Variants in UMODL1 observed in about 807,000 individuals in gnomAD.
UMODL1 encodes uromodulin like 1, also known as uromodulin-like 1.
In UMODL1, 128 loss-of-function variants were observed where a neutral mutation model predicts 136.3. The ratio of observed to expected loss-of-function variants is 0.94; its 90% CI spans 0.81 to 1.09. The LOEUF is 1.09. UMODL1 is among the 50% of genes least tolerant of loss of function. The probability of loss-of-function intolerance (pLI) is 0.00; values close to 1 mark genes in which losing one functional copy is unlikely to be tolerated. For synonymous variants in UMODL1, 721 were observed against 720.0 expected, an observed-to-expected ratio of 1.00 and a Z score of -0.02; for missense variants, 1,766 against 1,725.6, an observed-to-expected ratio of 1.02 and a Z score of -0.41.
chr21:42,137,310 G>A (rs551765937), intron 21 of UMODL1, 129 bp from the exon 22 acceptor site: 20 of 1,162,414 alleles, frequency 1.7e-5, no homozygotes, highest in Admixed American at 5.6e-5. Context: ...ACAGGCACAC[G>A]GGTGCACACG....
rs1275186492 is a variant in UMODL1 at position 42,122,398 on chromosome 21, G to GACTCAGGGC, written c.2828-432_2828-424dup. Among the ~76,000 whole-genome samples the GACTCAGGGC allele has an allele frequency of 6.6e-6, 1 of 152,194 alleles. No individual in the cohort carries two copies. Among genetic ancestry groups the GACTCAGGGC allele is most frequent in the African/African-American group, 2.4e-5 (1 of 41,450 alleles). ...CATCATTACCCCATCTTAGAGAATA[G>GACTCAGGGC]ACTCAGGGCTCTCAGGGCAGAAGAC... On this transcript the variant is annotated intron_variant, in intron 16 of 22. Coordinates refer to ENST00000408910, the MANE Select transcript of UMODL1 (RefSeq NM_001004416.3). The surrounding 1 kb of genome is among the most constrained non-coding windows in gnomAD (Gnocchi z 4.3).
Position 42,110,977 on chromosome 21 carries a change from C to T in UMODL1, c.1755C>T (p.Asn585=). The change falls in exon 11 of 23, where the codon AAC becomes AAT. Residue 585 remains asparagine (N), a synonymous_variant. Coordinates refer to ENST00000408910, the MANE Select transcript of UMODL1 (RefSeq NM_001004416.3). ...GAACAGCAGCCCTCGGCCTAGAGAA[C>T]TTCACCTTGTCACCCAGTCCTGGGT... The part of the protein sequence containing the change: ...GTGTAALGLE[N]FTLSPSPGYP... The T allele has an allele frequency of 6.2e-7, 1 of 1,613,108 alleles. No individual in the cohort carries two copies. Among genetic ancestry groups the T allele is most frequent in the Non-Finnish European group, 8.5e-7 (1 of 1,179,774 alleles).
chr21:42,079,983 G>A (rs2066342077), intron 2 of UMODL1, among the ~76,000 whole-genome samples: 1 of 152,208 alleles, frequency 6.6e-6, no homozygotes, highest in African/African-American at 2.4e-5. Context: ...CTGGTGAAGG[G>A]CACAGCCCAC....
intron 2 of UMODL1, among the ~76,000 whole-genome samples, chr21:42,082,235 C>T (rs1346644997): frequency 2.6e-5 from 4 of 152,164 alleles, no homozygotes; most frequent in Admixed American, 6.5e-5. Context: ...AAGCCAGGGC[C>T]GCCACCTCTT....
chr21:42,130,589 A>G (rs1255667924), intron 21 of UMODL1, among the ~76,000 whole-genome samples: 1 of 134,420 alleles, frequency 7.4e-6, no homozygotes, highest in Non-Finnish European at 1.6e-5. Flanking sequence ...TGTAATTCCA[A>G]CCTCCTGGCA....
In UMODL1 at chr21:42,127,821, C is replaced by A; in HGVS notation, c.3680C>A (p.Thr1227Lys). 6.2e-7 allele frequency: 1 copy of A among 1,610,986 alleles called. No homozygotes were observed. The highest frequency in any genetic ancestry group is 8.5e-7 in the Non-Finnish European group (1 of 1,179,170). ...LRVCMESPGA[T>K]CKINCNNFRL... ...GTCTGCATGGAATCCCCCGGAGCCACGTGCAAAATCGTAAGTGTTTTTTGG... is the reference window on the plus strand; with the variant it reads ...GTCTGCATGGAATCCCCCGGAGCCAAGTGCAAAATCGTAAGTGTTTTTTGG... The change falls in exon 20 of 23, where the codon ACG becomes AAG. Residue 1227 changes from threonine to lysine, a missense_variant. Physicochemically the swap from Thr to Lys is moderately conservative, Grantham distance 78. Coordinates refer to ENST00000408910, the MANE Select transcript of UMODL1 (RefSeq NM_001004416.3).
At chr21:42,104,594 C>T (rs1056598252) in intron 9 of UMODL1, among the ~76,000 whole-genome samples, 3 of 152,046 alleles carry the variant, frequency 2.0e-5, no homozygotes, top group Non-Finnish European at 2.9e-5. Context: ...GGATTATAGG[C>T]GCCTGCCACC....
chr21:42,085,466 C>G lies in UMODL1; in HGVS notation c.603+54C>G, dbSNP rs2066415511. ...ACCCTCCTTGTGGCAGCTGCTCAGG[C>G]AGACCCAGGTATGGGGCCGTGGAAG... On this transcript the variant is annotated intron_variant, in intron 4 of 22. Coordinates refer to ENST00000408910, the MANE Select transcript of UMODL1 (RefSeq NM_001004416.3). This position sits in a 1 kb window ranked among gnomAD's most constrained non-coding sequence, Gnocchi z 4.5. 6.2e-7 allele frequency: 1 copy of G among 1,611,564 alleles called. No individual in the cohort carries two copies. The highest frequency in any genetic ancestry group is 8.5e-7 in the Non-Finnish European group (1 of 1,179,370).
rs1268760868 is a variant in UMODL1 at position 42,118,619 on chromosome 21, G to A, written c.2476-492G>A. On this transcript the variant is annotated intron_variant, in intron 14 of 22. Coordinates refer to ENST00000408910, the MANE Select transcript of UMODL1 (RefSeq NM_001004416.3). ...GCTCACAGGAAGCAGTCTGGGGAGA[G>A]GTAGGGAGGAAGAATGAAAGGGGAC... Among the ~76,000 whole-genome samples the A allele has an allele frequency of 3.3e-5, 5 of 152,274 alleles. No homozygotes were observed. The East Asian group carries it at 9.7e-4, about 29-fold the overall frequency.
chr21:42,133,741 C>T (rs538712653), intron 21 of UMODL1, among the ~76,000 whole-genome samples: 2 of 152,240 alleles, frequency 1.3e-5, no homozygotes, highest in Non-Finnish European at 2.9e-5. Context: ...CTGCCCCCGT[C>T]TGCACATGGC....
chr21:42,135,195 A>G (rs1367767091), intron 21 of UMODL1, among the ~76,000 whole-genome samples: 2 of 152,258 alleles, frequency 1.3e-5, no homozygotes, highest in African/African-American at 2.4e-5. Flanking sequence ...TGCCACACGC[A>G]TGGAGCCTCC....
At chr21:42,096,651 G>A (rs577235124) in intron 6 of UMODL1, among the ~76,000 whole-genome samples, 29 of 152,306 alleles carry the variant, frequency 1.9e-4, no homozygotes, top group African/African-American at 6.5e-4. Context: ...CTCGCTCTGC[G>A]TCAAGTTTGA....
At chr21:42,077,015 GTGTGT>G (rs1450914810) in intron 2 of UMODL1, among the ~76,000 whole-genome samples, 2 of 94,792 alleles carry the variant, frequency 2.1e-5, no homozygotes, top group Non-Finnish European at 4.0e-5. Flanking sequence ...GTGTGTGTGT[GTGTGT>G]GTGTGTGTGT....
intron 13 of UMODL1, among the ~76,000 whole-genome samples, chr21:42,114,326 G>A (rs530250837): frequency 5.3e-5 from 8 of 152,380 alleles, no homozygotes; most frequent in East Asian, 3.8e-4. Flanking sequence ...ACTCCACTGC[G>A]TTCCAGCTGG....
At chr21:42,141,332 C>T (rs2067278648) in intron 22 of UMODL1, among the ~76,000 whole-genome samples, 1 of 152,210 alleles carries the variant, frequency 6.6e-6, no homozygotes, top group South Asian at 2.1e-4. Flanking sequence ...CCCGTCTCTC[C>T]TGCCAGGACT....
chr21:42,130,246 G>GTGTGTGCA (rs35856691), intron 21 of UMODL1, among the ~76,000 whole-genome samples: 1 of 139,952 alleles, frequency 7.1e-6, no homozygotes. Context: ...GTGTGTGTGT[G>GTGTGTGCA]CGTGCACACG....
rs1601168987 is a variant in UMODL1, at chr21:42,072,205, G to T, written c.76+813G>T. Among the ~76,000 whole-genome samples the T allele has an allele frequency of 2.0e-5, 3 of 152,344 alleles. No individual in the cohort carries two copies. The East Asian group carries it at 5.8e-4, about 29-fold the overall frequency. ...AGGGCTCTGTCCGGAGTTTTCCCAG[G>T]CATGCGGAGAGCAGGGCAGCTTCTT... On this transcript the variant is annotated intron_variant, in intron 1 of 22. Coordinates refer to ENST00000408910, the MANE Select transcript of UMODL1 (RefSeq NM_001004416.3).
chr21:42,076,553 G>T lies in UMODL1; in HGVS notation c.319+306G>T, dbSNP rs575531350. Among the ~76,000 whole-genome samples the T allele has an allele frequency of 1.5e-4, 23 of 152,294 alleles. 1 individual carries two copies. The South Asian group carries it at 4.6e-3, about 30-fold the overall frequency. ...TGCTGTTCTCAGAGGGCTCCTGGAT[G>T]GCTTTAAAAATGCAGATGCCTGGGT... On this transcript the variant is annotated intron_variant, in intron 2 of 22. Transcript: ENST00000408910.
In UMODL1 at chr21:42,102,456, T is replaced by G. The variant is rs2066648584; in HGVS notation, c.1299+178T>G. 7 of 506,136 alleles carry G rather than the reference T, an allele frequency of 1.4e-5. 1 individual carries two copies. In the South Asian group the frequency reaches 1.9e-4, roughly 14 times the overall value. 31.4% of individuals were successfully genotyped at this position (506,136 alleles called of 1,614,324 possible). On this transcript the variant is annotated intron_variant, in intron 8 of 22. Coordinates refer to ENST00000408910, the MANE Select transcript of UMODL1 (RefSeq NM_001004416.3). ...AGTGATTAGTCAAAAGCTTTCCCCC[T>G]GCTTTTATGGGGTACTTAATCCAGA...
Sources: allele counts gnomAD v4.1 joint callset (sites outside exome capture counted in the v4.1 genomes callset), GRCh38; gene constraint gnomAD v4.1.1; non-coding constraint Gnocchi (gnomAD v3.1); transcripts MANE v1.5; gene names NCBI Gene and HGNC (gene_info 2026-07-23, HGNC 2026-07-21).